Variants in PLCB1 observed in about 807,000 individuals in gnomAD.
PLCB1 encodes 1-phosphatidylinositol 4,5-bisphosphate phosphodiesterase beta-1.
In PLCB1, 46 loss-of-function variants were observed where a neutral mutation model predicts 161.8. The observed-to-expected ratio is 0.28, with a 90% confidence interval of 0.22 to 0.36. The LOEUF (loss-of-function observed/expected upper bound fraction) is 0.36, where lower values mean the gene tolerates loss of function less well. Among genes scored for constraint, PLCB1 ranks in the 10% least tolerant of loss-of-function variants. PLCB1 has a pLI of 1.00. For synonymous variants in PLCB1, 517 were observed against 503.7 expected, an observed-to-expected ratio of 1.03 and a Z score of -0.35; for missense variants, 1,016 against 1,472.5, an observed-to-expected ratio of 0.69 and a Z score of 5.07.
At chr20:8,167,022 C>T (rs768375424) in intron 2 of PLCB1, among the ~76,000 whole-genome samples, 2 of 152,164 alleles carry the variant, frequency 1.3e-5, no homozygotes, top group African/African-American at 2.4e-5. Flanking sequence ...GTGTTTAAGA[C>T]CTGGCTCTCT....
intron 3 of PLCB1, among the ~76,000 whole-genome samples, chr20:8,541,597 A>AAAGAAAGAAAGG (rs1985330598): frequency 6.6e-6 from 1 of 151,488 alleles, no homozygotes; most frequent in Non-Finnish European, 1.5e-5. Flanking sequence ...AGAAAGAAAG[A>AAAGAAAGAAAGG]AAGAAAGAAA....
At chr20:8,753,521 GC>G (rs1055213111) in intron 23 of PLCB1, among the ~76,000 whole-genome samples, 59 of 152,226 alleles carry the variant, frequency 3.9e-4, no homozygotes, top group Admixed American at 2.8e-3. Flanking sequence ...TCTTCTCTAT[GC>G]CTTTGCTTGG....
Position 8,416,929 on chromosome 20 carries a change from TACACACACACACACACACAC to T in PLCB1, c.246+45501_246+45520del, listed in dbSNP as rs56097941. Among the ~76,000 whole-genome samples, 215 of 126,452 alleles carry T rather than the reference TACACACACACACACACACAC, an allele frequency of 1.7e-3. 2 individuals are homozygous for T. Among genetic ancestry groups the T allele is most frequent in the African/African-American group, 6.0e-3 (204 of 33,952 alleles). The allele number at this position is 126,452 out of a possible 152,430, so 83.0% of individuals were successfully genotyped here. On this transcript the variant is annotated intron_variant, in intron 3 of 31. Coordinates refer to ENST00000338037, the MANE Select transcript of PLCB1 (RefSeq NM_015192.4). ...CTCTTTTACAGTTGAAGAGACAGAA[TACACACACACACACACACAC>T]ACACACACACACACACACACAGAGT...
At chr20:8,614,031 C>G (rs1987977536) in intron 3 of PLCB1, among the ~76,000 whole-genome samples, 1 of 151,926 alleles carries the variant, frequency 6.6e-6, no homozygotes, top group African/African-American at 2.4e-5. Context: ...GAAAATAAAT[C>G]CTACTTGAAT....
intron 3 of PLCB1, among the ~76,000 whole-genome samples, chr20:8,521,914 CT>C: frequency 1.3e-5 from 2 of 152,134 alleles, no homozygotes; most frequent in Non-Finnish European, 2.9e-5. Context: ...GGAGTGCAAA[CT>C]ATATTCTCCT....
intron 3 of PLCB1, among the ~76,000 whole-genome samples, chr20:8,383,022 G>A (rs1321895431): frequency 1.3e-5 from 2 of 152,174 alleles, no homozygotes; most frequent in African/African-American, 2.4e-5. Flanking sequence ...GATTTGGGTT[G>A]GAGAGTTCTG....
intron 3 of PLCB1, among the ~76,000 whole-genome samples, chr20:8,437,869 A>G (rs1980378151): frequency 1.3e-5 from 2 of 152,238 alleles, no homozygotes; most frequent in African/African-American, 2.4e-5. Context: ...CCACATACAT[A>G]TCACTGCAGC....
chr20:8,334,639 A>C (rs1042161782), intron 2 of PLCB1, among the ~76,000 whole-genome samples: 1 of 152,260 alleles, frequency 6.6e-6, no homozygotes, highest in Non-Finnish European at 1.5e-5. Flanking sequence ...ATTCAACTCT[A>C]ATTCATGCCA....
chr20:8,362,670 T>TC (rs1243271897), intron 2 of PLCB1, among the ~76,000 whole-genome samples: 1 of 152,206 alleles, frequency 6.6e-6, no homozygotes, highest in Non-Finnish European at 1.5e-5. Context: ...CCAAACTATC[T>TC]CACCTGGCAA....
At chr20:8,679,683 T>A (rs1379760942) in intron 9 of PLCB1, among the ~76,000 whole-genome samples, 1 of 152,198 alleles carries the variant, frequency 6.6e-6, no homozygotes, top group Non-Finnish European at 1.5e-5. Context: ...CAGCTGGAAG[T>A]GGTACAAACA....
chr20:8,240,282 ACACACACACACACACACACACACG>A (rs1186879780), intron 2 of PLCB1, among the ~76,000 whole-genome samples: 1 of 38,444 alleles, frequency 2.6e-5, no homozygotes, highest in Non-Finnish European at 6.8e-5. Context: ...TGATATTGAC[ACACACACACACACACACACACACG>A]CACACACACA....
intron 3 of PLCB1, among the ~76,000 whole-genome samples, chr20:8,519,117 G>A (rs1299392150): frequency 2.6e-5 from 4 of 152,064 alleles, no homozygotes; most frequent in Admixed American, 1.3e-4. Flanking sequence ...CAGACTGATA[G>A]CGGTCCATGG....
chr20:8,614,894 G>A (rs1988005517), intron 3 of PLCB1, among the ~76,000 whole-genome samples: 1 of 152,108 alleles, frequency 6.6e-6, no homozygotes, highest in African/African-American at 2.4e-5. Flanking sequence ...CTTCTGGCTA[G>A]TGGGATCTGG....
At chr20:8,778,701 A>G (rs147963675) in intron 27 of PLCB1, among the ~76,000 whole-genome samples, 177 of 152,296 alleles carry the variant, frequency 1.2e-3, no homozygotes, top group African/African-American at 4.0e-3. Flanking sequence ...CACCACTGTG[A>G]TTGTGGATGT....
intron 3 of PLCB1, among the ~76,000 whole-genome samples, chr20:8,425,891 A>G (rs1202104675): frequency 1.3e-5 from 2 of 152,014 alleles, no homozygotes; most frequent in Non-Finnish European, 2.9e-5. Context: ...AAGTTTTGAG[A>G]AAAGTTCTCC....
At chr20:8,302,133 G>T (rs180963395) in intron 2 of PLCB1, among the ~76,000 whole-genome samples, 1 of 152,276 alleles carries the variant, frequency 6.6e-6, no homozygotes, top group Non-Finnish European at 1.5e-5. Flanking sequence ...ACTCTCATTC[G>T]TTGAGAATTT....
At chr20:8,496,873 T>G (rs1983200582) in intron 3 of PLCB1, among the ~76,000 whole-genome samples, 1 of 152,088 alleles carries the variant, frequency 6.6e-6, no homozygotes, top group Non-Finnish European at 1.5e-5. Context: ...ATGCTCATTT[T>G]TATAATAATG....
intron 2 of PLCB1, among the ~76,000 whole-genome samples, chr20:8,316,381 T>C (rs992526542): frequency 6.6e-5 from 10 of 152,188 alleles, no homozygotes; most frequent in Admixed American, 1.3e-4. Flanking sequence ...ATTTCCTTGC[T>C]GGGAATTCAC....
At chr20:8,568,926 A>G (rs189013839) in intron 3 of PLCB1, among the ~76,000 whole-genome samples, 4 of 152,326 alleles carry the variant, frequency 2.6e-5, no homozygotes, top group African/African-American at 7.2e-5. Context: ...GCAGGTTACT[A>G]TTGTGGACAA....
Sources: allele counts gnomAD v4.1 joint callset (sites outside exome capture counted in the v4.1 genomes callset), GRCh38; gene constraint gnomAD v4.1.1; transcripts MANE v1.5; gene names NCBI Gene and HGNC (gene_info 2026-07-23, HGNC 2026-07-21).